MYO1D: variants seen among roughly 807,000 people sequenced by gnomAD.
The protein encoded by MYO1D is unconventional myosin-Id.
Under a neutral mutation model 122.0 loss-of-function variants are expected in MYO1D, and 83 were observed. The ratio of observed to expected loss-of-function variants is 0.68; its 90% CI spans 0.57 to 0.82. The LOEUF (loss-of-function observed/expected upper bound fraction) is 0.82. Among genes scored for constraint, MYO1D ranks in the 40% least tolerant of loss-of-function variants. The probability of loss-of-function intolerance (pLI) is 0.00; values close to 1 mark genes in which losing one functional copy is unlikely to be tolerated. For synonymous variants in MYO1D, 464 were observed against 446.9 expected (o/e 1.04, Z -0.48); for missense variants, 1,157 against 1,269.5 (o/e 0.91, Z 1.35).
At chr17:32,527,070 C>T (rs1392620413) in intron 21 of MYO1D, among the ~76,000 whole-genome samples, 1 of 152,224 alleles carries the variant, frequency 6.6e-6, no homozygotes, top group African/African-American at 2.4e-5. Flanking sequence ...GGTTTCTCTA[C>T]AAACACTTTT....
At chr17:32,710,489 C>T (rs1567960316) in intron 16 of MYO1D, among the ~76,000 whole-genome samples, 2 of 152,120 alleles carry the variant, frequency 1.3e-5, no homozygotes, top group Admixed American at 6.5e-5. Context: ...CCATACAGTT[C>T]ATAGAAGAAA....
At chr17:32,660,060 G>A (rs946923902) in intron 16 of MYO1D, among the ~76,000 whole-genome samples, 1 of 151,982 alleles carries the variant, frequency 6.6e-6, no homozygotes, top group East Asian at 1.9e-4. Flanking sequence ...CAAATTTGGT[G>A]CGATCTTCAA....
chr17:32,606,515 T>C (rs962393211), intron 20 of MYO1D, among the ~76,000 whole-genome samples: 1 of 152,220 alleles, frequency 6.6e-6, no homozygotes, highest in African/African-American at 2.4e-5. Context: ...AAGTGGAGTT[T>C]ATCTAAGAAA....
intron 21 of MYO1D, among the ~76,000 whole-genome samples, chr17:32,522,773 G>C (rs898215772): frequency 1.3e-5 from 2 of 151,598 alleles, no homozygotes; most frequent in African/African-American, 4.9e-5. Context: ...TCCATTAGGA[G>C]CATCATGTGG....
chr17:32,822,634 G>A (rs975736556), intron 1 of MYO1D, among the ~76,000 whole-genome samples: 11 of 148,966 alleles, frequency 7.4e-5, no homozygotes, highest in Admixed American at 2.0e-4. Flanking sequence ...CCCCCGTCCC[G>A]GGGGGTGGCC....
chr17:32,663,243 T>C (rs2088594864), intron 16 of MYO1D, among the ~76,000 whole-genome samples: 1 of 152,188 alleles, frequency 6.6e-6, no homozygotes. Context: ...TTTTTGTATG[T>C]GCAGATTTTT....
chr17:32,508,142 G>A (rs189842306), intron 21 of MYO1D, among the ~76,000 whole-genome samples: 6 of 151,234 alleles, frequency 4.0e-5, no homozygotes, highest in African/African-American at 7.3e-5. Flanking sequence ...TAATCTGCCC[G>A]CCTTGGCCTC....
rs565740214 is a variant in MYO1D at position 32,872,744 on chromosome 17, C to T, written c.95+4034G>A. On this transcript the variant is annotated intron_variant, in intron 1 of 21. Transcript: ENST00000318217. ...TCGCTCTGTCACCCAGGCCGGACTG[C>T]GGACTGCAGTGGCGCAATCTCGGCT... is the stretch of plus-strand genomic sequence containing the variant. Among the ~76,000 whole-genome samples the T allele has an allele frequency of 6.4e-4, 95 of 148,144 alleles. No homozygotes were observed. In the South Asian group the frequency reaches 0.015, roughly 24 times the overall value.
At chr17:32,776,599 AAAG>A (rs1352278012) in intron 3 of MYO1D, among the ~76,000 whole-genome samples, 3 of 152,218 alleles carry the variant, frequency 2.0e-5, no homozygotes, top group African/African-American at 7.2e-5. Context: ...CTGAAAAGGG[AAAG>A]AATAGGTGAT....
intron 21 of MYO1D, among the ~76,000 whole-genome samples, chr17:32,589,923 T>C (rs954010417): frequency 2.0e-5 from 3 of 152,232 alleles, no homozygotes; most frequent in Admixed American, 2.0e-4. Flanking sequence ...TTGCTAGTTC[T>C]TTCTCTGTTC....
Position 32,768,230 on chromosome 17 carries a change from C to T in MYO1D, c.715-478G>A, listed in dbSNP as rs115960381. 3.8e-3 allele frequency among the ~76,000 whole-genome samples: 576 copies of T among 152,294 alleles called. 3 individuals carry two copies. Among genetic ancestry groups the T allele is most frequent in the African/African-American group, 0.012 (518 of 41,546 alleles). On this transcript the variant is annotated intron_variant, in intron 6 of 21. Transcript: ENST00000318217. ...GGTTTATTTTCCAGGTGAGGCAAGGCGGGCCCTCAAAAGCAAAACAGCCAG... is the reference window on the plus strand; with the variant it reads ...GGTTTATTTTCCAGGTGAGGCAAGGTGGGCCCTCAAAAGCAAAACAGCCAG...
intron 1 of MYO1D, among the ~76,000 whole-genome samples, chr17:32,802,400 T>TA (rs1164107602): frequency 6.6e-6 from 1 of 152,216 alleles, no homozygotes; most frequent in African/African-American, 2.4e-5. Context: ...TTATTTTTAA[T>TA]ATCAGCTAAA....
intron 21 of MYO1D, among the ~76,000 whole-genome samples, chr17:32,565,812 C>T (rs561739467): frequency 6.4e-4 from 97 of 152,250 alleles, no homozygotes; most frequent in Admixed American, 1.8e-3. Context: ...GCAACCCCTC[C>T]CAGGTTCAAG....
chr17:32,772,304 A>G (rs1304224140), intron 5 of MYO1D, among the ~76,000 whole-genome samples: 1 of 152,254 alleles, frequency 6.6e-6, no homozygotes, highest in Non-Finnish European at 1.5e-5. Flanking sequence ...TGGATTAAAA[A>G]GGCAATCCTC....
chr17:32,607,163 G>GA (rs143916190), intron 20 of MYO1D, among the ~76,000 whole-genome samples: 24 of 148,608 alleles, frequency 1.6e-4, no homozygotes, highest in African/African-American at 3.9e-4. Flanking sequence ...CCATCTCAAA[G>GA]AAAAAAAAAA....
intron 1 of MYO1D, among the ~76,000 whole-genome samples, chr17:32,867,794 G>A (rs370345009): frequency 2.6e-5 from 2 of 78,252 alleles, no homozygotes; most frequent in African/African-American, 5.7e-5. Flanking sequence ...GCAAGACTCC[G>A]TCTCAAAAAA....
intron 21 of MYO1D, among the ~76,000 whole-genome samples, chr17:32,533,785 T>A (rs1208224584): frequency 6.6e-6 from 1 of 152,178 alleles, no homozygotes; most frequent in Non-Finnish European, 1.5e-5. Context: ...TAACACACAC[T>A]TTCTTCTTTG....
chr17:32,603,202 C>T (rs960055287), intron 21 of MYO1D, among the ~76,000 whole-genome samples: 8 of 152,120 alleles, frequency 5.3e-5, no homozygotes, highest in Non-Finnish European at 1.2e-4. Flanking sequence ...TGTACCTCAG[C>T]ATGCATATGC....
chr17:32,801,105 A>G (rs2090457188), intron 1 of MYO1D, among the ~76,000 whole-genome samples: 4 of 152,194 alleles, frequency 2.6e-5, no homozygotes, highest in Admixed American at 6.5e-5. Context: ...AGTTTCTCTA[A>G]GTGTCTATTA....
Sources: gnomAD v4.1 joint callset for allele counts (sites outside exome capture counted in the v4.1 genomes callset) on GRCh38, gnomAD v4.1.1 for gene constraint, MANE v1.5 for transcripts, NCBI Gene and HGNC (gene_info 2026-07-23, HGNC 2026-07-21) for gene names.